Variants in C2 observed in about 807,000 individuals in gnomAD.
C2 encodes C3/C5 convertase.
C2 carries 64 observed loss-of-function variants against 85.2 expected under a neutral mutation model. The ratio of observed to expected loss-of-function variants is 0.75; its 90% CI spans 0.61 to 0.92. The LOEUF is 0.92. Ranked by LOEUF, C2 falls within the 40% of genes least tolerant of loss-of-function variation. C2 has a pLI of 0.00. For missense variants in C2, 820 were observed against 971.6 expected (o/e 0.84, Z 2.07); for synonymous variants, 311 against 370.8 (o/e 0.84, Z 1.85).
chr6:31,931,339 T>C (rs1002033025), intron 3 of C2, among the ~76,000 whole-genome samples: 2 of 147,408 alleles, frequency 1.4e-5, no homozygotes, highest in Non-Finnish European at 3.0e-5. Flanking sequence ...CACAGGACAA[T>C]AGTGGAGGGA....
chr6:31,930,664 A>G (rs887846557), intron 3 of C2, among the ~76,000 whole-genome samples: 1 of 152,194 alleles, frequency 6.6e-6, no homozygotes, highest in African/African-American at 2.4e-5. Context: ...ATCATACAGA[A>G]GACACGGAGT....
chr6:31,917,396 G>A (rs1768617077), upstream of C2, among the ~76,000 whole-genome samples: 1 of 151,992 alleles, frequency 6.6e-6, no homozygotes. Flanking sequence ...AAAACCAAAT[G>A]CCTAATGTTC....
At chr6:31,913,732 C>T (rs997217636) in intron 1 of C2, among the ~76,000 whole-genome samples, 3 of 151,902 alleles carry the variant, frequency 2.0e-5, no homozygotes, top group South Asian at 2.1e-4. Flanking sequence ...CTGCAACCTC[C>T]GCCTCCTGGG....
At chr6:31,936,253 C>T in intron 7 of C2, 192 bp downstream of exon 7, 1 of 631,054 alleles carries the variant, frequency 1.6e-6, no homozygotes, top group Non-Finnish European at 2.8e-6. Context: ...ATAGCTCATT[C>T]TGAGATGCTG....
At position 31,920,053 on chromosome 6, in the gene C2, G is replaced by T. The variant is rs1768857669; in HGVS notation, c.-100+27G>T. ...TGAGTAAGGCTACGAAATAGCTAAT[G>T]AATTTGCCAAGCCAAACCTGAGGTT... On this transcript the variant is annotated intron_variant, in intron 1 of 3. Coordinates refer to the C2 transcript ENST00000413154. This position sits in a 1 kb window ranked among gnomAD's most constrained non-coding sequence, Gnocchi z 5.6. 6.6e-6 allele frequency: 1 copy of T among 152,270 alleles called. No homozygotes were observed. Among genetic ancestry groups the T allele is most frequent in the Non-Finnish European group, 1.5e-5 (1 of 68,076 alleles). The allele number at this position is 152,270 out of a possible 1,614,324, so 9.4% of individuals were successfully genotyped here. A position where few individuals can be genotyped will look rare whatever the true frequency, so the allele number is the denominator to read the frequency against.
intron 3 of C2, among the ~76,000 whole-genome samples, chr6:31,932,117 G>A (rs1769865592): frequency 7.6e-6 from 1 of 131,792 alleles, no homozygotes; most frequent in South Asian, 2.5e-4. Flanking sequence ...CGGGCGAGGG[G>A]CTGACCCCCC....
At chr6:31,909,743 C>A (rs1767963446) in intron 1 of C2, among the ~76,000 whole-genome samples, 1 of 151,882 alleles carries the variant, frequency 6.6e-6, no homozygotes, top group African/African-American at 2.4e-5. Context: ...TGTGCCCACC[C>A]TATATGTTAA....
chr6:31,915,613 A>C (rs1001307730), upstream of C2, among the ~76,000 whole-genome samples: 24 of 152,244 alleles, frequency 1.6e-4, no homozygotes, highest in African/African-American at 5.5e-4. Flanking sequence ...CTGTTGGGTC[A>C]GTAGGAGTGT....
At position 31,935,998 on chromosome 6, in the gene C2, C is replaced by T. The variant is rs1770380899; in HGVS notation, c.925C>T (p.Leu309=). Residue 309 remains leucine (L), a synonymous_variant, in exon 7 of 18, where the codon CTG becomes TTG. Coordinates refer to ENST00000299367, the MANE Select transcript of C2 (RefSeq NM_000063.6). This position sits in a 1 kb window ranked among gnomAD's most constrained non-coding sequence, Gnocchi z 4.3. ...AGAGCCCAAAGTCCTCATGTCTGTC[C>T]TGAACGACAACTCCCGGGATATGAC... The part of the protein sequence containing the change: ...ASEPKVLMSV[L]NDNSRDMTEV... 4 of 1,613,050 alleles carry T rather than the reference C, an allele frequency of 2.5e-6. No individual in the cohort carries two copies. In the African/African-American group the frequency reaches 5.3e-5, roughly 21 times the overall value.
At chr6:31,942,387 A>G (rs1400833202) in intron 9 of C2, among the ~76,000 whole-genome samples, 3 of 151,094 alleles carry the variant, frequency 2.0e-5, no homozygotes, top group Non-Finnish European at 4.4e-5. Context: ...TAGGACTCGA[A>G]CACATCTTTC....
chr6:31,900,867 T>A, upstream of C2: 1 of 1,613,556 alleles, frequency 6.2e-7, no homozygotes, highest in Non-Finnish European at 8.5e-7. The surrounding 1 kb of genome is among the most constrained non-coding windows in gnomAD (Gnocchi z 9.7). Flanking sequence ...GTGGCGCTGA[T>A]GCTGCTCACA....
chr6:31,911,428 A>G (rs1191246653), intron 1 of C2, among the ~76,000 whole-genome samples: 1 of 152,240 alleles, frequency 6.6e-6, no homozygotes, highest in Non-Finnish European at 1.5e-5. Flanking sequence ...TTCTTTTGCA[A>G]CTAAACATTT....
intron 1 of C2, among the ~76,000 whole-genome samples, chr6:31,909,940 G>A (rs1767977836): frequency 6.6e-6 from 1 of 151,406 alleles, no homozygotes; most frequent in Non-Finnish European, 1.5e-5. Context: ...GAGTACAGTG[G>A]TGCGATCTTG....
upstream of C2, chr6:31,900,584 C>T: frequency 1.2e-6 from 2 of 1,612,074 alleles, no homozygotes; most frequent in Non-Finnish European, 1.7e-6. The surrounding 1 kb of genome is among the most constrained non-coding windows in gnomAD (Gnocchi z 9.7). Flanking sequence ...CCCAAGGTGG[C>T]CACCCACGGA....
At chr6:31,899,949 C>T (rs368174598), upstream of C2, 3 of 1,591,288 alleles carry the variant, frequency 1.9e-6, no homozygotes, top group Non-Finnish European at 1.7e-6. Flanking sequence ...ACGTTAATCT[C>T]GGCCACACTG....
At position 31,904,004 on chromosome 6, in the gene C2, C is replaced by G. The variant is rs1234752301; in HGVS notation, c.73+2865C>G. Among the ~76,000 whole-genome samples, 1 of 151,788 alleles carries G rather than the reference C, an allele frequency of 6.6e-6. No individual in the cohort carries two copies. Among genetic ancestry groups the G allele is most frequent in the African/African-American group, 2.4e-5 (1 of 41,200 alleles). On this transcript the variant is annotated intron_variant, in intron 1 of 3. Transcript: ENST00000452202. This position sits in a 1 kb window ranked among gnomAD's most constrained non-coding sequence, Gnocchi z 4.4. ...AGGAGTTTCTGAGCCTACTCTGGCT[C>G]AGAAGGCTGCCAGATTCGCAAATCA... is the stretch of plus-strand genomic sequence containing the variant.
In C2 at chr6:31,944,904, C is replaced by T; in HGVS notation, c.2029+51C>T. On this transcript the variant is annotated intron_variant, in intron 16 of 17. Transcript: ENST00000299367. This position sits in a 1 kb window ranked among gnomAD's most constrained non-coding sequence, Gnocchi z 5.1. Reference sequence around the variant, plus strand: ...CCCAAGGGGAAGGCCACCTGTGTCTCTGTGGCCAGCATGCATGCCAGAACA... The same window carrying T: ...CCCAAGGGGAAGGCCACCTGTGTCTTTGTGGCCAGCATGCATGCCAGAACA... 6 of 1,612,302 alleles carry T rather than the reference C, an allele frequency of 3.7e-6. No individual in the cohort carries two copies. Among genetic ancestry groups the T allele is most frequent in the Non-Finnish European group, 5.1e-6 (6 of 1,179,302 alleles).
rs377750767 is a variant in C2 at position 31,928,012 on chromosome 6, T to C, written c.104T>C (p.Phe35Ser). The C allele has an allele frequency of 7.4e-6, 12 of 1,614,176 alleles. No individual in the cohort carries two copies. In the African/African-American group the frequency reaches 1.6e-4, roughly 22 times the overall value. ...AACGTGAATATCTCGGGTGGCACCTTCACCCTCAGCCATGGCTGGGCTCCT... is the reference window on the plus strand; with the variant it reads ...AACGTGAATATCTCGGGTGGCACCTCCACCCTCAGCCATGGCTGGGCTCCT... Reference protein sequence around the residue: ...PQNVNISGGTFTLSHGWAPGS... With the variant: ...PQNVNISGGTSTLSHGWAPGS... The change falls in exon 2 of 18, where the codon TTC becomes TCC. Residue 35 changes from phenylalanine (F) to serine (S), a missense_variant. Physicochemically the swap from Phe to Ser is radical, Grantham distance 155. Transcript: ENST00000299367.
chr6:31,944,036 T>C lies in C2; in HGVS notation c.1810+43T>C, dbSNP rs1303760114. The C allele has an allele frequency of 6.2e-7, 1 of 1,604,920 alleles. No individual in the cohort carries two copies. The highest frequency in any genetic ancestry group is 8.5e-7 in the Non-Finnish European group (1 of 1,172,930). ...TGGTGCTTGAGAGCTGGGGCCGGGG[T>C]TTGGGGGTGATAACAAGGACTAGGC... On this transcript the variant is annotated intron_variant, in intron 14 of 17. Transcript: ENST00000299367. The surrounding 1 kb of genome is among the most constrained non-coding windows in gnomAD (Gnocchi z 5.1).
Sources: gnomAD v4.1 joint callset for allele counts (sites outside exome capture counted in the v4.1 genomes callset) on GRCh38, gnomAD v4.1.1 for gene constraint, Gnocchi (gnomAD v3.1) non-coding constraint, MANE v1.5 for transcripts, NCBI Gene and HGNC (gene_info 2026-07-23, HGNC 2026-07-21) for gene names.